CEP350: variants seen among roughly 807,000 people sequenced by gnomAD.
CEP350 encodes centrosomal protein 350.
CEP350 carries 126 observed loss-of-function variants against 331.8 expected under a neutral mutation model. The observed-to-expected ratio is 0.38, with a 90% CI of 0.33 to 0.44. The LOEUF (loss-of-function observed/expected upper bound fraction) is 0.44, where lower values mean the gene tolerates loss of function less well. Ranked by LOEUF, CEP350 falls within the 20% of genes least tolerant of loss-of-function variation. The probability of loss-of-function intolerance (pLI) is 1.00; values close to 1 mark genes in which losing one functional copy is unlikely to be tolerated. For missense variants in CEP350, 3,406 were observed against 3,634.6 expected (o/e 0.94, Z 1.62); for synonymous variants, 1,200 against 1,259.5 (o/e 0.95, Z 1.00).
At position 180,050,537 on chromosome 1, in the gene CEP350, C is replaced by A. The variant is rs377417444; in HGVS notation, c.4792+1832C>A. 1.3e-3 allele frequency among the ~76,000 whole-genome samples: 193 copies of A among 151,060 alleles called. 1 individual carries two copies. Among genetic ancestry groups the A allele is most frequent in the African/African-American group, 4.5e-3 (185 of 41,044 alleles). ...AATTATCTGGGCATGGTGGTATGCG[C>A]CTGTAGTCCCAGCTACTCAGGAGGC... On this transcript the variant is annotated intron_variant, in intron 22 of 37. Transcript: ENST00000367607.
intron 1 of CEP350, among the ~76,000 whole-genome samples, chr1:179,955,939 G>A (rs1415072335): frequency 6.6e-6 from 1 of 152,158 alleles, no homozygotes; most frequent in Non-Finnish European, 1.5e-5. Flanking sequence ...CGTTATTGTT[G>A]CCATGTTAAC....
chr1:179,954,812 T>G lies in CEP350; in HGVS notation c.-344T>G. The G allele has an allele frequency of 2.4e-6, 1 of 420,418 alleles. No individual in the cohort carries two copies. Among genetic ancestry groups the G allele is most frequent in the Non-Finnish European group, 4.2e-6 (1 of 238,314 alleles). 26.0% of individuals were successfully genotyped at this position (420,418 alleles called of 1,614,324 possible). On this transcript the variant is annotated 5_prime_UTR_variant, in exon 1 of 38. Coordinates refer to ENST00000367607, the MANE Select transcript of CEP350 (RefSeq NM_014810.5). ...TGGCGCCGCTCCTCCTCCGTGTCAGTTGTTGGGCTGTAATGGCGACTGGGC... is the reference window on the plus strand; with the variant it reads ...TGGCGCCGCTCCTCCTCCGTGTCAGGTGTTGGGCTGTAATGGCGACTGGGC...
chr1:180,033,112 T>C (rs1031601533), intron 15 of CEP350, among the ~76,000 whole-genome samples: 3 of 152,180 alleles, frequency 2.0e-5, no homozygotes, highest in Non-Finnish European at 4.4e-5. Context: ...AAATGCTTTA[T>C]AGAGTATCTT....
At chr1:180,094,808 T>C (rs189155770) in intron 34 of CEP350, among the ~76,000 whole-genome samples, 192 bp downstream of exon 34, 9 of 152,150 alleles carry the variant, frequency 5.9e-5, no homozygotes, top group Non-Finnish European at 1.3e-4. Context: ...CTGGCTGAAG[T>C]GTAATTGTCC....
chr1:180,024,414 G>T lies in CEP350; in HGVS notation c.3387-5G>T, dbSNP rs761089202. The T allele has an allele frequency of 3.7e-6, 6 of 1,600,822 alleles. No homozygotes were observed. Among genetic ancestry groups the T allele is most frequent in the Middle Eastern group, 1.9e-4 (1 of 5,306 alleles). On this transcript the variant is annotated splice_region_variant and splice_polypyrimidine_tract_variant and intron_variant, in intron 13 of 37. Coordinates refer to ENST00000367607, the MANE Select transcript of CEP350 (RefSeq NM_014810.5). ...CTGGAACTACTATTATTTATTCTTT[G>T]ACAGTAGCACTTTAAGCCCTCAGGA... is the stretch of plus-strand genomic sequence containing the variant.
intron 36 of CEP350, among the ~76,000 whole-genome samples, chr1:180,098,536 C>G (rs561179588): frequency 5.3e-5 from 8 of 151,498 alleles, no homozygotes; most frequent in African/African-American, 1.7e-4. Context: ...GAGATGAGGT[C>G]TCTCACTATG....
chr1:180,096,108 T>G lies in CEP350; in HGVS notation c.8990T>G (p.Val2997Gly). The change falls in exon 36 of 38, where the codon GTC (valine) becomes GGC (glycine). Residue 2997 changes from valine (V) to glycine (G), a missense_variant. This residue lies in a region of CEP350 where 1,415 missense variants were observed against 1,512.3 expected (regional missense o/e 0.94). Coordinates refer to ENST00000367607, the MANE Select transcript of CEP350 (RefSeq NM_014810.5). ...GAGGATCCCAACTTAAATCAACCTG[T>G]CTGGATGAAGCCATGTAGAATCAAC... ...FAEDPNLNQP[V>G]WMKPCRINSS... 1 of 1,561,412 alleles carries G rather than the reference T, an allele frequency of 6.4e-7. No individual in the cohort carries two copies. The highest frequency in any genetic ancestry group is 1.4e-5 in the African/African-American group (1 of 73,918).
At chr1:180,058,084 A>G (rs567279136) in intron 25 of CEP350, among the ~76,000 whole-genome samples, 1 of 152,206 alleles carries the variant, frequency 6.6e-6, no homozygotes, top group Non-Finnish European at 1.5e-5. Flanking sequence ...AGTTGAGGAC[A>G]TATATAATAT....
chr1:179,969,394 G>T, intron 1 of CEP350: 1 of 513,656 alleles, frequency 1.9e-6, no homozygotes, highest in Non-Finnish European at 3.9e-6. Flanking sequence ...GCGTGCGGGT[G>T]CCCTCTGTGC....
intron 1 of CEP350, among the ~76,000 whole-genome samples, chr1:179,983,513 G>C (rs1652433990): frequency 6.6e-6 from 1 of 152,202 alleles, no homozygotes; most frequent in Non-Finnish European, 1.5e-5. Context: ...GGGATTACAG[G>C]CTTGAGCCAC....
At chr1:180,106,048 T>G (rs1229357783) in intron 37 of CEP350, among the ~76,000 whole-genome samples, 1 of 152,254 alleles carries the variant, frequency 6.6e-6, no homozygotes, top group Non-Finnish European at 1.5e-5. Flanking sequence ...TTAGGTTAGC[T>G]AAGAATTTGA....
intron 25 of CEP350, among the ~76,000 whole-genome samples, chr1:180,060,700 A>G (rs1360796900): frequency 2.6e-5 from 4 of 152,146 alleles, no homozygotes; most frequent in Admixed American, 1.3e-4. Context: ...AGAGATAAAT[A>G]TATGGTTCTC....
chr1:179,969,481 T>C, intron 1 of CEP350: 1 of 477,506 alleles, frequency 2.1e-6, no homozygotes, highest in Non-Finnish European at 4.2e-6. Flanking sequence ...GGCCACTGAA[T>C]GGGTAGGAAT....
chr1:180,079,795 G>T (rs1469371607), intron 29 of CEP350, among the ~76,000 whole-genome samples: 1 of 151,992 alleles, frequency 6.6e-6, no homozygotes, highest in Non-Finnish European at 1.5e-5. Flanking sequence ...CCACAAACTG[G>T]CTATTAAAAA....
At chr1:180,087,446 G>A (rs1659932773) in intron 31 of CEP350, 132 bp from the exon 32 acceptor site, 1 of 741,286 alleles carries the variant, frequency 1.3e-6, no homozygotes, top group Non-Finnish European at 2.1e-6. Context: ...TGCTGAGGGG[G>A]GCAGGGAGGG....
At chr1:180,080,480 C>T in intron 29 of CEP350, 37 bp from the exon 30 acceptor site, 1 of 1,584,994 alleles carries the variant, frequency 6.3e-7, no homozygotes, top group Non-Finnish European at 8.6e-7. Flanking sequence ...ACAATTATAT[C>T]AAAAAATAGT....
chr1:180,090,502 C>T (rs1412244202), intron 32 of CEP350, among the ~76,000 whole-genome samples: 1 of 139,012 alleles, frequency 7.2e-6, no homozygotes, highest in Non-Finnish European at 1.5e-5. Context: ...GCCGAGATCG[C>T]GCCACTGCAC....
At chr1:179,991,661 A>G (rs1467030540) in intron 4 of CEP350, among the ~76,000 whole-genome samples, 2 of 77,456 alleles carry the variant, frequency 2.6e-5, no homozygotes, top group East Asian at 8.4e-4. Context: ...ATATGTATAT[A>G]TATATATGTG....
At chr1:180,055,168 A>G (rs1453005359) in intron 25 of CEP350, among the ~76,000 whole-genome samples, 1 of 152,214 alleles carries the variant, frequency 6.6e-6, no homozygotes, top group African/African-American at 2.4e-5. Flanking sequence ...CTGTGGCACA[A>G]TGGTAAGTGC....
Sources: allele counts gnomAD v4.1 joint callset (sites outside exome capture counted in the v4.1 genomes callset), GRCh38; gene constraint gnomAD v4.1.1; regional missense constraint gnomAD v4.1.1; transcripts MANE v1.5; gene names NCBI Gene and HGNC (gene_info 2026-07-23, HGNC 2026-07-21).